The following ALDH2 variants were observed in gnomAD, a reference collection of about 807,000 sequenced individuals.
ALDH2 encodes the protein aldehyde dehydrogenase 2 family member, also known as aldehyde dehydrogenase, mitochondrial.
In ALDH2, 44 loss-of-function variants were observed where a neutral mutation model predicts 59.6. That is an observed-to-expected ratio of 0.74 (90% CI 0.58 to 0.95). The LOEUF (loss-of-function observed/expected upper bound fraction) is 0.95, where lower values mean the gene tolerates loss of function less well. Ranked by LOEUF, ALDH2 falls within the 40% of genes least tolerant of loss-of-function variation. The pLI is 0.00. For missense variants in ALDH2, 570 were observed against 696.3 expected, an observed-to-expected ratio of 0.82 and a Z score of 2.04; for synonymous variants, 291 against 284.0, an observed-to-expected ratio of 1.02 and a Z score of -0.25.
intron 12 of ALDH2, 145 bp downstream of exon 12, chr12:111,804,118 G>A: frequency 1.9e-6 from 1 of 531,064 alleles, no homozygotes; most frequent in East Asian, 3.4e-5. Flanking sequence ...AGGGCCTGCT[G>A]GAAGTTCAGG....
intron 12 of ALDH2, among the ~76,000 whole-genome samples, chr12:111,806,093 C>T (rs1323497917): frequency 1.3e-5 from 2 of 150,758 alleles, no homozygotes; most frequent in Non-Finnish European, 2.9e-5. Flanking sequence ...GTGGGCAGAC[C>T]ACGAGGTCAG....
At chr12:111,784,853 C>T (rs937054522) in intron 3 of ALDH2, among the ~76,000 whole-genome samples, 18 of 152,128 alleles carry the variant, frequency 1.2e-4, no homozygotes, top group Non-Finnish European at 2.4e-4. Context: ...CCTCGGCCTC[C>T]CAAAGTGCTG....
chr12:111,810,683 CT>C lies in ALDH2; in HGVS notation c.*1109del, dbSNP rs1420379119. The C allele has an allele frequency of 2.6e-5, 4 of 151,306 alleles. No homozygotes were observed. Among genetic ancestry groups the C allele is most frequent in the Non-Finnish European group, 2.9e-5 (2 of 68,054 alleles). The allele number at this position is 151,306 out of a possible 1,614,324, so 9.4% of individuals were successfully genotyped here. A position where few individuals can be genotyped will look rare whatever the true frequency, so the allele number is the denominator to read the frequency against. On this transcript the variant is annotated 3_prime_UTR_variant, in exon 13 of 13. Transcript: ENST00000261733. The stretch of plus-strand genomic sequence containing the variant: ...AGTGCAGTGGCACGATCATAGCTCA[CT>C]GCTGCCTCGACCTCCTGGGCTCAAA...
At chr12:111,790,320 G>T (rs907198254) in intron 5 of ALDH2, 114 bp from the exon 6 acceptor site, 5 of 1,367,270 alleles carry the variant, frequency 3.7e-6, no homozygotes, top group African/African-American at 1.4e-5. Context: ...GGGAGGACAC[G>T]CAGGGTTCAG....
Position 111,795,587 on chromosome 12 carries a change from ATTTCT to A in ALDH2, c.1084-2482_1084-2478del, listed in dbSNP as rs1357497800. On this transcript the variant is annotated intron_variant, in intron 9 of 12. Transcript: ENST00000261733. ...TGTGAGCCACCGCACCTGTCCTAAC[ATTTCT>A]TTTCTTTTTTTTTTTTTTGAGACAG... is the stretch of plus-strand genomic sequence containing the variant. Among the ~76,000 whole-genome samples, 301 of 137,300 alleles carry A rather than the reference ATTTCT, an allele frequency of 2.2e-3. 1 individual carries two copies. Among genetic ancestry groups the A allele is most frequent in the Middle Eastern group, 0.014 (3 of 220 alleles). The allele number at this position is 137,300 out of a possible 152,430, so 90.1% of individuals were successfully genotyped here.
At chr12:111,803,747 A>AT (rs377262633) in intron 11 of ALDH2, 112 bp from the exon 12 acceptor site, 128 of 623,520 alleles carry the variant, frequency 2.1e-4, no homozygotes, top group Non-Finnish European at 2.5e-4. Context: ...AAAAAAAAAA[A>AT]TTTTTTTTTA....
chr12:111,799,009 C>T (rs1222004239), intron 10 of ALDH2, among the ~76,000 whole-genome samples: 1 of 151,818 alleles, frequency 6.6e-6, no homozygotes, highest in Admixed American at 6.6e-5. Context: ...ACTCTGTCTC[C>T]AGTTTTAGCC....
intron 12 of ALDH2, among the ~76,000 whole-genome samples, chr12:111,806,837 G>A (rs1301176570): frequency 6.6e-6 from 1 of 152,016 alleles, no homozygotes; most frequent in Non-Finnish European, 1.5e-5. Context: ...CCAGGCTGGT[G>A]GCATGTGTCT....
chr12:111,806,208 T>C (rs1447107902), intron 12 of ALDH2, among the ~76,000 whole-genome samples: 1 of 150,896 alleles, frequency 6.6e-6, no homozygotes, highest in Non-Finnish European at 1.5e-5. Flanking sequence ...TCCCAGCTAC[T>C]CAGGAGGCTG....
At chr12:111,769,572 CTT>C (rs11442381) in intron 1 of ALDH2, among the ~76,000 whole-genome samples, 6 of 144,340 alleles carry the variant, frequency 4.2e-5, no homozygotes, top group Non-Finnish European at 6.1e-5. Flanking sequence ...GCACACCAGA[CTT>C]TTTTTTTTTT....
intron 1 of ALDH2, among the ~76,000 whole-genome samples, chr12:111,767,572 A>T (rs573158338): frequency 6.6e-6 from 1 of 152,306 alleles, no homozygotes; most frequent in South Asian, 2.1e-4. Context: ...CACGTTCTCC[A>T]GTTCACCATG....
chr12:111,789,525 A>C (rs1210207379), intron 4 of ALDH2, among the ~76,000 whole-genome samples: 1 of 152,052 alleles, frequency 6.6e-6, no homozygotes, highest in Non-Finnish European at 1.5e-5. Flanking sequence ...GAAAGAAAAA[A>C]AAAAAATCTA....
At chr12:111,788,393 C>T (rs559785262) in intron 4 of ALDH2, among the ~76,000 whole-genome samples, 33 of 152,264 alleles carry the variant, frequency 2.2e-4, no homozygotes, top group East Asian at 3.9e-4. Flanking sequence ...TGCTCAACAT[C>T]GTACAATGCC....
Position 111,810,602 on chromosome 12 carries a change from C to CA in ALDH2, c.*1030dup, listed in dbSNP as rs201305734. On this transcript the variant is annotated 3_prime_UTR_variant, in exon 13 of 13. Transcript: ENST00000261733. ...AGAGATACTGAATGTCCAATGTTCT[C>CA]AAATTTTTTTTTTTTTTTTTTTTGA... is the stretch of plus-strand genomic sequence containing the variant. 6.7e-6 allele frequency: 1 copy of CA among 149,624 alleles called. No individual in the cohort carries two copies. The highest frequency in any genetic ancestry group is 1.5e-5 in the Non-Finnish European group (1 of 67,732). The allele number at this position is 149,624 out of a possible 1,614,324, so 9.3% of individuals were successfully genotyped here. A position where few individuals can be genotyped will look rare whatever the true frequency, so the allele number is the denominator to read the frequency against.
At chr12:111,777,871 AT>A (rs2068244406) in intron 1 of ALDH2, among the ~76,000 whole-genome samples, 2 of 152,118 alleles carry the variant, frequency 1.3e-5, no homozygotes, top group Admixed American at 1.3e-4. Context: ...AAAATTAACG[AT>A]TGACTAACTA....
chr12:111,809,182 C>T (rs2068517811), intron 12 of ALDH2, among the ~76,000 whole-genome samples: 1 of 152,088 alleles, frequency 6.6e-6, no homozygotes, highest in Admixed American at 6.6e-5. Flanking sequence ...GGCCACGTGC[C>T]ATGGCTCACG....
chr12:111,794,010 A>G (rs1294596664), intron 9 of ALDH2, among the ~76,000 whole-genome samples: 1 of 135,530 alleles, frequency 7.4e-6, no homozygotes, highest in Non-Finnish European at 1.6e-5. Context: ...GCAGGCAACC[A>G]CTGATTTTTT....
intron 12 of ALDH2, among the ~76,000 whole-genome samples, chr12:111,806,565 G>A (rs1043580920): frequency 1.3e-5 from 2 of 152,226 alleles, no homozygotes; most frequent in African/African-American, 2.4e-5. Context: ...CCAAGCCTGA[G>A]ACTGGAGAGG....
chr12:111,792,021 C>G (rs1028944081), intron 7 of ALDH2, 40 bp from the exon 8 acceptor site: 8 of 1,346,500 alleles, frequency 5.9e-6, no homozygotes. Context: ...CTCTTTTCTC[C>G]CGGCACTGAG....
Sources: gnomAD v4.1 joint callset for allele counts (sites outside exome capture counted in the v4.1 genomes callset) on GRCh38, gnomAD v4.1.1 for gene constraint, MANE v1.5 for transcripts, NCBI Gene and HGNC (gene_info 2026-07-23, HGNC 2026-07-21) for gene names.